EVL: variants seen among roughly 807,000 people sequenced by gnomAD.
The protein encoded by EVL is ena/VASP-like protein.
In EVL, 21 loss-of-function variants were observed where a neutral mutation model predicts 59.6. The observed-to-expected ratio is 0.35, with a 90% CI of 0.25 to 0.51. EVL has a LOEUF of 0.51. EVL is among the 20% of genes least tolerant of loss of function. The pLI is 0.97. For synonymous variants in EVL, 198 were observed against 203.5 expected (o/e 0.97, Z 0.23); for missense variants, 462 against 546.6 (o/e 0.85, Z 1.54).
chr14:100,133,072 C>T (rs954092956), intron 8 of EVL, among the ~76,000 whole-genome samples: 1 of 152,246 alleles, frequency 6.6e-6, no homozygotes, highest in East Asian at 1.9e-4. Flanking sequence ...CCAGGAGCCC[C>T]GGGGAGCACA....
At chr14:100,095,777 G>T (rs1885766454) in intron 2 of EVL, among the ~76,000 whole-genome samples, 1 of 152,182 alleles carries the variant, frequency 6.6e-6, no homozygotes, top group East Asian at 1.9e-4. Context: ...GCCCAGGCTG[G>T]AGTGCAATGG....
At chr14:100,078,204 A>AGCAT (rs1312447604) in intron 1 of EVL, among the ~76,000 whole-genome samples, 4 of 152,250 alleles carry the variant, frequency 2.6e-5, no homozygotes, top group Non-Finnish European at 5.9e-5. Flanking sequence ...TTCTAGAAGC[A>AGCAT]GCATGCACGC....
intron 1 of EVL, among the ~76,000 whole-genome samples, chr14:100,018,316 C>T (rs530150312): frequency 4.6e-5 from 7 of 152,188 alleles, no homozygotes; most frequent in South Asian, 4.1e-4. Flanking sequence ...TCCATGGGCC[C>T]GAGAAGGGAG....
chr14:100,129,930 A>G (rs1356603946), intron 7 of EVL, among the ~76,000 whole-genome samples: 1 of 152,202 alleles, frequency 6.6e-6, no homozygotes, highest in Non-Finnish European at 1.5e-5. Context: ...AGCATCTACC[A>G]TGTACCAGCC....
intron 1 of EVL, among the ~76,000 whole-genome samples, chr14:100,032,568 C>T (rs1341805807): frequency 6.6e-6 from 1 of 152,180 alleles, no homozygotes; most frequent in Non-Finnish European, 1.5e-5. Flanking sequence ...CCTCCATGGT[C>T]TGGCTGCGGT....
At chr14:100,047,118 C>CT (rs869205625) in intron 1 of EVL, among the ~76,000 whole-genome samples, 40 of 23,910 alleles carry the variant, frequency 1.7e-3, no homozygotes, top group East Asian at 7.6e-3. Flanking sequence ...ATCTCTCTCT[C>CT]TTTTTTTTTT....
At chr14:99,982,877 T>C (rs946463930) in intron 1 of EVL, among the ~76,000 whole-genome samples, 2 of 152,228 alleles carry the variant, frequency 1.3e-5, no homozygotes, top group African/African-American at 4.8e-5. Context: ...GTACTACTTA[T>C]CAGCTGACTT....
At chr14:100,107,192 C>A (rs1006152584) in intron 3 of EVL, 1 of 398,724 alleles carries the variant, frequency 2.5e-6, no homozygotes, top group Non-Finnish European at 4.4e-6. Flanking sequence ...CACTGTAGGT[C>A]CTCTCAGAAC....
intron 1 of EVL, among the ~76,000 whole-genome samples, chr14:99,996,895 A>G (rs2060917795): frequency 1.3e-5 from 2 of 152,076 alleles, no homozygotes; most frequent in Admixed American, 1.3e-4. Context: ...AAGCAATCCA[A>G]CTGCCTTGGC....
chr14:100,096,863 A>G (rs1885848671), intron 2 of EVL: 2 of 152,100 alleles, frequency 1.3e-5, no homozygotes. Flanking sequence ...ATGCTTTTTG[A>G]TTGAGTAATA....
At chr14:100,048,764 CACTA>C (rs1028870539) in intron 1 of EVL, among the ~76,000 whole-genome samples, 2 of 152,020 alleles carry the variant, frequency 1.3e-5, no homozygotes, top group Non-Finnish European at 1.5e-5. Context: ...ACAAAAAAAA[CACTA>C]ATTATTAACT....
At chr14:100,138,664 C>G (rs924701433) in intron 11 of EVL, 2 of 152,752 alleles carry the variant, frequency 1.3e-5, no homozygotes, top group Non-Finnish European at 2.9e-5. Context: ...TGTGGTCAGC[C>G]AGGCCGTGTG....
intron 1 of EVL, among the ~76,000 whole-genome samples, chr14:100,036,954 A>G (rs1227197374): frequency 6.6e-6 from 1 of 152,166 alleles, no homozygotes; most frequent in East Asian, 1.9e-4. Context: ...TGAAGACATG[A>G]GGGATGCTCA....
chr14:100,030,022 T>G (rs957552167), intron 1 of EVL, among the ~76,000 whole-genome samples: 6 of 152,154 alleles, frequency 3.9e-5, no homozygotes, highest in African/African-American at 1.2e-4. Context: ...TCTCTGTGCC[T>G]TGGTTGCCTT....
intron 3 of EVL, chr14:100,106,761 G>A: frequency 2.5e-6 from 1 of 398,222 alleles, no homozygotes; most frequent in African/African-American, 2.1e-5. Context: ...CATTGCATCT[G>A]TGTCTTGCCT....
chr14:100,024,648 G>C (rs1282180742), intron 1 of EVL, among the ~76,000 whole-genome samples: 1 of 152,118 alleles, frequency 6.6e-6, no homozygotes, highest in East Asian at 1.9e-4. Context: ...TTCACTGGTT[G>C]TATCTCTGCC....
intron 1 of EVL, among the ~76,000 whole-genome samples, chr14:100,021,213 G>A (rs2140202376): frequency 6.6e-6 from 1 of 152,298 alleles, no homozygotes; most frequent in Middle Eastern, 3.4e-3. Context: ...TCATGGTTAG[G>A]GAAGAGGGTT....
In EVL at chr14:100,084,829, G is replaced by T; in HGVS notation, c.154G>T (p.Val52Phe). Residue 52 changes from valine (V) to phenylalanine (F), a missense_variant, in exon 2 of 14, where the codon GTT becomes TTT. Val to Phe is a conservative substitution (Grantham distance 50). Coordinates refer to ENST00000392920, the MANE Select transcript of EVL (RefSeq NM_016337.3). The part of the protein sequence containing the change: ...HNTASNTFRV[V>F]GVKLQDQQVV... ...CACTGCCAGCAACACCTTCAGAGTC[G>T]TTGGAGTCAAGTTGCAGGATCAGCA... 1 of 1,614,176 alleles carries T rather than the reference G, an allele frequency of 6.2e-7. No homozygotes were observed. The highest frequency in any genetic ancestry group is 8.5e-7 in the Non-Finnish European group (1 of 1,180,044).
At chr14:100,140,291 G>C (rs1180514704) in intron 11 of EVL, 1 of 152,098 alleles carries the variant, frequency 6.6e-6, no homozygotes, top group Non-Finnish European at 1.5e-5. Flanking sequence ...ACTTTTCAAA[G>C]AAGTAGTCCA....
Sources: gnomAD v4.1 joint callset for allele counts (sites outside exome capture counted in the v4.1 genomes callset) on GRCh38, gnomAD v4.1.1 for gene constraint, MANE v1.5 for transcripts, NCBI Gene and HGNC (gene_info 2026-07-23, HGNC 2026-07-21) for gene names.